The following RAP1GAP2 variants were observed in gnomAD, a reference collection of about 807,000 sequenced individuals.
RAP1GAP2 encodes RAP1 GTPase activating protein 2.
In RAP1GAP2, 27 loss-of-function variants were observed where a neutral mutation model predicts 95.0. The observed-to-expected ratio is 0.28, with a 90% CI of 0.21 to 0.39. RAP1GAP2 has a LOEUF of 0.39. RAP1GAP2 is among the 10% of genes least tolerant of loss of function. The pLI is 1.00. For missense variants in RAP1GAP2, 771 were observed against 970.0 expected (o/e 0.79, Z 2.72); for synonymous variants, 373 against 380.9 (o/e 0.98, Z 0.24).
chr17:2,953,444 G>C (rs2043987687), intron 3 of RAP1GAP2, among the ~76,000 whole-genome samples: 1 of 152,156 alleles, frequency 6.6e-6, no homozygotes, highest in African/African-American at 2.4e-5. Flanking sequence ...CTTGGAGAGT[G>C]TCATATGTAA....
Position 3,026,077 on chromosome 17 carries a change from C to T in RAP1GAP2, c.1821C>T (p.Thr607=), listed in dbSNP as rs2047104531. The T allele has an allele frequency of 1.2e-6, 2 of 1,613,496 alleles. No individual in the cohort carries two copies. The highest frequency in any genetic ancestry group is 1.7e-5 in the Admixed American group (1 of 59,986). The part of the protein sequence containing the change: ...GHSSQEIKSE[T]SSNPSSPEIC... ...CCTCTCAGGAGATAAAGTCTGAGAC[C>T]TCATCCAATCCCAGCTCTCCGGAAA... The change falls in exon 20 of 25, where the codon ACC becomes ACT. Residue 607 remains threonine (T), a synonymous_variant. Coordinates refer to ENST00000254695, the MANE Select transcript of RAP1GAP2 (RefSeq NM_015085.5).
chr17:2,835,916 T>C (rs1567694458), intron 2 of RAP1GAP2, among the ~76,000 whole-genome samples: 2 of 152,222 alleles, frequency 1.3e-5, no homozygotes, highest in African/African-American at 4.8e-5. Flanking sequence ...ACTCCTGTTT[T>C]ATCTGCTGGG....
intron 13 of RAP1GAP2, 72 bp from the exon 14 acceptor site, chr17:2,998,148 AC>A: frequency 6.7e-7 from 1 of 1,495,436 alleles, no homozygotes; most frequent in Admixed American, 1.7e-5. Context: ...AGGAAAGTGA[AC>A]CCACTCTTTC....
rs138687078 is a variant in RAP1GAP2, at chr17:3,025,174, C to T, written c.1752-834C>T. Among the ~76,000 whole-genome samples the T allele has an allele frequency of 2.4e-3, 358 of 152,238 alleles. 1 individual carries two copies. In the Middle Eastern group the frequency reaches 0.031, roughly 13 times the overall value. On this transcript the variant is annotated intron_variant, in intron 19 of 24. Transcript: ENST00000254695. ...GGCAGATGACTTGAGGTCAGGAGTT[C>T]GAGACCAGCTTGGCCAATGCAATGA...
At chr17:3,025,112 C>T (rs1310029812) in intron 19 of RAP1GAP2, among the ~76,000 whole-genome samples, 1 of 152,202 alleles carries the variant, frequency 6.6e-6, no homozygotes, top group African/African-American at 2.4e-5. Context: ...TGCGGTGGCT[C>T]ACGCCTGTAA....
chr17:2,764,488 C>T (rs1042377768), intron 1 of RAP1GAP2, among the ~76,000 whole-genome samples: 6 of 149,356 alleles, frequency 4.0e-5, no homozygotes, highest in East Asian at 2.0e-4. Context: ...TTTGGGAAGC[C>T]GAGGCGGGTG....
At chr17:2,837,547 T>C (rs555906239) in intron 2 of RAP1GAP2, among the ~76,000 whole-genome samples, 9 of 151,706 alleles carry the variant, frequency 5.9e-5, no homozygotes, top group Admixed American at 4.6e-4. Flanking sequence ...CCTCTTCATT[T>C]TGGATTTGGC....
At chr17:2,983,229 T>C (rs1239140996) in intron 10 of RAP1GAP2, among the ~76,000 whole-genome samples, 1 of 152,142 alleles carries the variant, frequency 6.6e-6, no homozygotes, top group African/African-American at 2.4e-5. Context: ...CTTTTTTTTT[T>C]TCTTTTTTAA....
rs566553114 is a variant in RAP1GAP2, at chr17:2,847,427, C to T, written c.80+46877C>T. Among the ~76,000 whole-genome samples, 3 of 152,246 alleles carry T rather than the reference C, an allele frequency of 2.0e-5. No individual in the cohort carries two copies. In the East Asian group the frequency reaches 5.8e-4, roughly 29 times the overall value. On this transcript the variant is annotated intron_variant, in intron 2 of 24. Transcript: ENST00000254695. ...AACAAAAAGTCTTGCTACCCAAAGC[C>T]CTAGTCGCCTGGAAATCTCACATAG...
rs2047391237 is a variant in RAP1GAP2, at chr17:3,033,451, A to G, written c.*90A>G. The G allele has an allele frequency of 6.5e-6, 1 of 153,140 alleles. No homozygotes were observed. The highest frequency in any genetic ancestry group is 6.5e-5 in the Admixed American group (1 of 15,280). 9.5% of individuals were successfully genotyped at this position (153,140 alleles called of 1,614,324 possible). ...TACCAGCAGTTTGGGAGTGCCGTCC[A>G]CGACCCTGACAGTCCCAGCCCTGCT... On this transcript the variant is annotated 3_prime_UTR_variant, in exon 25 of 25. Transcript: ENST00000254695. The surrounding 1 kb of genome is among the most constrained non-coding windows in gnomAD (Gnocchi z 4.9).
chr17:2,773,725 C>CTATTTATTTATT (rs58664630), upstream of RAP1GAP2, among the ~76,000 whole-genome samples: 2 of 147,884 alleles, frequency 1.4e-5, no homozygotes, highest in Non-Finnish European at 3.0e-5. Context: ...ACAGTAGACA[C>CTATTTATTTATT]TATTTATTTA....
At chr17:2,802,690 T>C (rs888469104) in intron 2 of RAP1GAP2, among the ~76,000 whole-genome samples, 7 of 150,500 alleles carry the variant, frequency 4.7e-5, no homozygotes, top group African/African-American at 1.7e-4. Context: ...GAGACAAGAG[T>C]GAAATGCCGT....
chr17:2,914,587 T>C lies in RAP1GAP2; in HGVS notation c.165+9219T>C, dbSNP rs547722670. ...CTCACTGCAAGCTCTGCCTCCTGGG[T>C]TCACACCATTCTCCTGCCTCAGCCT... On this transcript the variant is annotated intron_variant, in intron 3 of 24. Transcript: ENST00000254695. Among the ~76,000 whole-genome samples the C allele has an allele frequency of 1.1e-4, 17 of 151,824 alleles. No homozygotes were observed. In the East Asian group the frequency reaches 3.3e-3, roughly 30 times the overall value.
chr17:2,861,915 C>T (rs745459458), intron 2 of RAP1GAP2, among the ~76,000 whole-genome samples: 51 of 152,266 alleles, frequency 3.3e-4, no homozygotes, highest in Admixed American at 7.2e-4. Flanking sequence ...CTTGGCTTCC[C>T]AAAGTGCTGG....
chr17:2,953,776 G>A (rs964852910), intron 3 of RAP1GAP2, among the ~76,000 whole-genome samples: 5 of 152,118 alleles, frequency 3.3e-5, no homozygotes, highest in African/African-American at 1.2e-4. Flanking sequence ...GAACCCAGGA[G>A]GTGGAAGTTG....
intron 2 of RAP1GAP2, among the ~76,000 whole-genome samples, chr17:2,845,247 A>G (rs940303919): frequency 2.0e-5 from 3 of 152,088 alleles, no homozygotes; most frequent in African/African-American, 7.2e-5. Flanking sequence ...GGTTCAAGTG[A>G]TTCTCCTGCC....
chr17:2,852,790 C>T (rs2071919057), intron 2 of RAP1GAP2, among the ~76,000 whole-genome samples: 1 of 152,056 alleles, frequency 6.6e-6, no homozygotes, highest in South Asian at 2.1e-4. Context: ...CTGGGCAGCA[C>T]CTGGAAGTGG....
intron 9 of RAP1GAP2, 96 bp downstream of exon 9, chr17:2,980,461 C>T (rs1440051426): frequency 7.7e-7 from 1 of 1,291,550 alleles, no homozygotes; most frequent in Non-Finnish European, 1.1e-6. Context: ...TAGGCTCAGC[C>T]CTTAGAGAAG....
chr17:2,842,501 G>A (rs1051263282), intron 2 of RAP1GAP2, among the ~76,000 whole-genome samples: 1 of 136,988 alleles, frequency 7.3e-6, no homozygotes, highest in Non-Finnish European at 1.5e-5. Flanking sequence ...CTGCACTCCA[G>A]CCTGGGTGAC....
Sources: allele counts gnomAD v4.1 joint callset (sites outside exome capture counted in the v4.1 genomes callset), GRCh38; gene constraint gnomAD v4.1.1; non-coding constraint Gnocchi (gnomAD v3.1); transcripts MANE v1.5; gene names NCBI Gene and HGNC (gene_info 2026-07-23, HGNC 2026-07-21).